STOX1: variants seen among roughly 807,000 people sequenced by gnomAD.
STOX1 encodes the protein storkhead box 1, also known as storkhead-box protein 1.
In STOX1, 57 loss-of-function variants were observed where a neutral mutation model predicts 74.8. The observed-to-expected ratio is 0.76, with a 90% CI of 0.62 to 0.95. The LOEUF is 0.95. STOX1 is among the 40% of genes least tolerant of loss of function. STOX1 has a pLI of 0.00. For missense variants in STOX1, 1,010 were observed against 1,117.0 expected, an observed-to-expected ratio of 0.90 and a Z score of 1.37; for synonymous variants, 375 against 401.3, an observed-to-expected ratio of 0.93 and a Z score of 0.78.
intron 1 of STOX1, among the ~76,000 whole-genome samples, chr10:68,838,639 G>A (rs960310540): frequency 1.3e-5 from 2 of 152,060 alleles, no homozygotes; most frequent in Non-Finnish European, 2.9e-5. Context: ...AGCCGGGCGC[G>A]GTGGCTCATG....
chr10:68,832,030 G>A (rs1839426996), intron 1 of STOX1, among the ~76,000 whole-genome samples: 1 of 151,456 alleles, frequency 6.6e-6, no homozygotes. Context: ...CTCCCAAAGT[G>A]CTGTGATTAC....
At chr10:68,860,379 C>T (rs1359075521) in intron 1 of STOX1, among the ~76,000 whole-genome samples, 2 of 151,472 alleles carry the variant, frequency 1.3e-5, no homozygotes, top group Non-Finnish European at 2.9e-5. Context: ...TGAGACCAGC[C>T]TGAGCAACAT....
intron 1 of STOX1, among the ~76,000 whole-genome samples, chr10:68,839,016 C>T (rs1839629714): frequency 6.6e-6 from 1 of 151,958 alleles, no homozygotes; most frequent in Admixed American, 6.6e-5. Flanking sequence ...TAGCTGTGGG[C>T]TTTTCACATA....
chr10:68,868,105 C>T (rs1157773437), intron 1 of STOX1, among the ~76,000 whole-genome samples: 2 of 152,214 alleles, frequency 1.3e-5, no homozygotes, highest in African/African-American at 4.8e-5. Flanking sequence ...CGGGTTCGAG[C>T]CCCAAGTTTG....
Position 68,885,293 on chromosome 10 carries a change from T to G in STOX1, c.1497T>G (p.Gly499=), listed in dbSNP as rs779589867. Residue 499 remains glycine (G), a synonymous_variant, in exon 3 of 4, where the codon GGT becomes GGG. Transcript: ENST00000298596. ...AGCGAATCAGTAATCCTTTCCAGGG[T>G]TTGTCTCACCGAGGAAGCACAATAT... The part of the protein sequence containing the change: ...YKKRISNPFQ[G]LSHRGSTISK... 12 of 1,614,150 alleles carry G rather than the reference T, an allele frequency of 7.4e-6. No individual in the cohort carries two copies. In the South Asian group the frequency reaches 1.1e-4, roughly 15 times the overall value.
intron 1 of STOX1, among the ~76,000 whole-genome samples, chr10:68,863,402 C>G (rs1768308330): frequency 6.6e-6 from 1 of 151,638 alleles, no homozygotes; most frequent in Non-Finnish European, 1.5e-5. Flanking sequence ...GGGTATCTGG[C>G]TCATAATAGG....
intron 1 of STOX1, among the ~76,000 whole-genome samples, chr10:68,829,511 C>G (rs1478177655): frequency 1.3e-5 from 2 of 152,010 alleles, no homozygotes; most frequent in African/African-American, 2.4e-5. Context: ...GAGCGAAACT[C>G]CGTCTCAAAA....
At chr10:68,846,776 CT>C (rs1486214706) in intron 1 of STOX1, 2 of 152,058 alleles carry the variant, frequency 1.3e-5, no homozygotes, top group Non-Finnish European at 2.9e-5. Flanking sequence ...AAAAAAAATT[CT>C]GCTTAGGTTT....
chr10:68,848,764 G>A (rs926078502), intron 1 of STOX1, among the ~76,000 whole-genome samples: 4 of 151,966 alleles, frequency 2.6e-5, no homozygotes, highest in Non-Finnish European at 5.9e-5. Flanking sequence ...TCCTAGGCAC[G>A]TGTGATTCTC....
intron 3 of STOX1, among the ~76,000 whole-genome samples, chr10:68,889,038 T>C (rs886268791): frequency 5.9e-5 from 9 of 152,166 alleles, no homozygotes; most frequent in South Asian, 2.1e-4. Context: ...TGGAGTGCAA[T>C]GACACAATCA....
At chr10:68,877,136 C>G (rs1840700826) in intron 1 of STOX1, among the ~76,000 whole-genome samples, 1 of 152,136 alleles carries the variant, frequency 6.6e-6, no homozygotes, top group South Asian at 2.1e-4. Flanking sequence ...AGGAGCTCCA[C>G]AGCAGAGGCG....
At chr10:68,856,358 A>C (rs1411798273) in intron 1 of STOX1, among the ~76,000 whole-genome samples, 1 of 152,002 alleles carries the variant, frequency 6.6e-6, no homozygotes. Context: ...GGCAGAATGC[A>C]GGTGACAGCA....
intron 1 of STOX1, among the ~76,000 whole-genome samples, chr10:68,831,406 C>T (rs563925838): frequency 2.0e-5 from 3 of 152,206 alleles, no homozygotes; most frequent in Admixed American, 1.3e-4. Flanking sequence ...ATGCTAGTTT[C>T]GAACTCCTGA....
chr10:68,893,398 T>C (rs1841138790), downstream of STOX1, among the ~76,000 whole-genome samples: 1 of 152,206 alleles, frequency 6.6e-6, no homozygotes, highest in Non-Finnish European at 1.5e-5. Flanking sequence ...GCTGTACTAC[T>C]GTTCCTCTGG....
intron 1 of STOX1, among the ~76,000 whole-genome samples, chr10:68,861,026 T>C (rs1228534661): frequency 1.3e-5 from 2 of 152,032 alleles, no homozygotes; most frequent in African/African-American, 4.8e-5. Flanking sequence ...CTGACCAACA[T>C]GGAGAAACCC....
intron 3 of STOX1, among the ~76,000 whole-genome samples, chr10:68,888,079 A>G (rs1041306817): frequency 2.6e-5 from 4 of 151,788 alleles, no homozygotes; most frequent in African/African-American, 4.8e-5. Context: ...ACACGCGCGC[A>G]CACACGCACA....
At position 68,882,109 on chromosome 10, in the gene STOX1, A is replaced by T; in HGVS notation, c.462A>T (p.Pro154=). ...TGGAGCGTTTGATGAAACATTACCC[A>T]GGTAGAGTAATAAATTTTTGTCTAT... ...SLLERLMKHY[P]GIAIPSEDIL... Residue 154 remains proline, a splice_region_variant and synonymous_variant, in exon 2 of 4, where the codon CCA becomes CCT. Transcript: ENST00000298596. The T allele has an allele frequency of 6.2e-7, 1 of 1,613,674 alleles. No individual in the cohort carries two copies. The highest frequency in any genetic ancestry group is 1.1e-5 in the South Asian group (1 of 91,070).
At chr10:68,851,312 A>AC (rs1839978077) in intron 1 of STOX1, among the ~76,000 whole-genome samples, 1 of 151,842 alleles carries the variant, frequency 6.6e-6, no homozygotes, top group African/African-American at 2.4e-5. Flanking sequence ...AAAAAAAAAA[A>AC]AAAAGAAAAA....
chr10:68,836,466 C>T (rs1564569163), intron 1 of STOX1, among the ~76,000 whole-genome samples: 1 of 152,212 alleles, frequency 6.6e-6, no homozygotes, highest in Non-Finnish European at 1.5e-5. Context: ...CATTGCTTGC[C>T]TGACATATAC....
Sources: allele counts gnomAD v4.1 joint callset (sites outside exome capture counted in the v4.1 genomes callset), GRCh38; gene constraint gnomAD v4.1.1; transcripts MANE v1.5; gene names NCBI Gene and HGNC (gene_info 2026-07-23, HGNC 2026-07-21).